Variants in POLR1B observed in about 807,000 individuals in gnomAD.
The protein encoded by POLR1B is RNA polymerase I subunit B, also known as DNA-directed RNA polymerase I subunit RPA2.
Under a neutral mutation model 105.8 loss-of-function variants are expected in POLR1B, and 30 were observed. The ratio of observed to expected loss-of-function variants is 0.28; its 90% confidence interval spans 0.21 to 0.38. The LOEUF (loss-of-function observed/expected upper bound fraction) is 0.38, where lower values mean the gene tolerates loss of function less well. Ranked by LOEUF, POLR1B falls within the 10% of genes least tolerant of loss-of-function variation. The pLI is 1.00. For missense variants in POLR1B, 976 were observed against 1,435.8 expected (o/e 0.68, Z 5.17); for synonymous variants, 485 against 505.1 (o/e 0.96, Z 0.53).
chr2:112,543,791 A>G (rs957021940), intron 1 of POLR1B, among the ~76,000 whole-genome samples: 1 of 152,198 alleles, frequency 6.6e-6, no homozygotes, highest in Admixed American at 6.5e-5. Flanking sequence ...ATTCCTAATT[A>G]AAAGTTAATC....
intron 7 of POLR1B, 55 bp downstream of exon 7, chr2:112,552,871 GA>G: frequency 4.3e-6 from 6 of 1,398,148 alleles, no homozygotes; most frequent in Non-Finnish European, 5.7e-6. Flanking sequence ...GGAATGGCGT[GA>G]CTTTGTCCAG....
At chr2:112,567,663 G>A (rs1422658850) in intron 10 of POLR1B, among the ~76,000 whole-genome samples, 1 of 152,140 alleles carries the variant, frequency 6.6e-6, no homozygotes, top group African/African-American at 2.4e-5. Context: ...ACAGGTATAA[G>A]CCACCCCCGG....
chr2:112,546,958 G>T, intron 1 of POLR1B, 54 bp from the exon 2 acceptor site: 1 of 1,573,354 alleles, frequency 6.4e-7, no homozygotes, highest in Non-Finnish European at 8.7e-7. Context: ...AAGAGTCTTA[G>T]AGAAAAAATG....
Position 112,546,544 on chromosome 2 carries a change from C to CTTTTTTTT in POLR1B, c.178-440_178-433dup, listed in dbSNP as rs869087985. On this transcript the variant is annotated intron_variant, in intron 1 of 14. Transcript: ENST00000263331. ...GAAGTTATGAGTAGACTGGAGGTAG[C>CTTTTTTTT]TTTTTTTTTTTTTTTTTTTTTTTTT... Among the ~76,000 whole-genome samples, 32 of 53,190 alleles carry CTTTTTTTT rather than the reference C, an allele frequency of 6.0e-4. 4 individuals carry two copies. The highest frequency in any genetic ancestry group is 1.5e-3 in the East Asian group (2 of 1,326). 34.9% of individuals were successfully genotyped at this position (53,190 alleles called of 152,430 possible).
In POLR1B at chr2:112,576,057, AC is replaced by A; in HGVS notation, c.*330del. 3.1e-6 allele frequency: 1 copy of A among 327,180 alleles called. No individual in the cohort carries two copies. The highest frequency in any genetic ancestry group is 5.7e-6 in the Non-Finnish European group (1 of 173,966). 20.3% of individuals were successfully genotyped at this position (327,180 alleles called of 1,614,324 possible). ...TCTCAGCAGGCAGTGAGTGTCACAC[AC>A]CTGTTAATCCATCTTGAGCAGGACA... On this transcript the variant is annotated 3_prime_UTR_variant, in exon 15 of 15. Transcript: ENST00000263331.
chr2:112,566,402 G>T (rs1366522005), intron 10 of POLR1B, among the ~76,000 whole-genome samples: 3 of 152,144 alleles, frequency 2.0e-5, no homozygotes, highest in Admixed American at 2.0e-4. Flanking sequence ...TTCCATTGGT[G>T]GTTCTTTGCT....
chr2:112,574,925 C>T lies in POLR1B; in HGVS notation c.2604C>T (p.Cys868=). 1.2e-6 allele frequency: 2 copies of T among 1,614,060 alleles called. No individual in the cohort carries two copies. The highest frequency in any genetic ancestry group is 1.7e-5 in the Admixed American group (1 of 59,998). Residue 868 remains cysteine (C), a synonymous_variant, in exon 15 of 15, where the codon TGC becomes TGT. Transcript: ENST00000263331. The stretch of plus-strand genomic sequence containing the variant: ...GGAGTGGAAAATTCAAGTGTGTTTG[C>T]ATCACTATGAGAGTGCCTCGGAACC... ...DTGSGKFKCV[C]ITMRVPRNPT...
rs1268449568 is a variant in POLR1B, at chr2:112,578,262, CAT to C, written c.*2535_*2536del. ...CTGTGTAGATGGATGAAAACAGCAA[CAT>C]AAGCAAGATACAGAGCTGTTCCGTC... On this transcript the variant is annotated 3_prime_UTR_variant, in exon 15 of 15. Transcript: ENST00000263331. Among the ~76,000 whole-genome samples, 1 of 151,430 alleles carries C rather than the reference CAT, an allele frequency of 6.6e-6. No individual in the cohort carries two copies. Among genetic ancestry groups the C allele is most frequent in the Non-Finnish European group, 1.5e-5 (1 of 67,800 alleles).
chr2:112,577,247 A>T lies in POLR1B; in HGVS notation c.*1518A>T, dbSNP rs1684911480. 6.6e-6 allele frequency: 1 copy of T among 152,250 alleles called. No individual in the cohort carries two copies. The highest frequency in any genetic ancestry group is 6.5e-5 in the Admixed American group (1 of 15,282). 9.4% of individuals were successfully genotyped at this position (152,250 alleles called of 1,614,324 possible). A position where few individuals can be genotyped will look rare whatever the true frequency, so the allele number is the denominator to read the frequency against. ...AACAGACAGAAAAATCTATCATTTC[A>T]AGATAGGCTTAGCAGGATGGGCGCA... On this transcript the variant is annotated 3_prime_UTR_variant, in exon 15 of 15. Coordinates refer to ENST00000263331, the MANE Select transcript of POLR1B (RefSeq NM_019014.6).
At chr2:112,550,829 A>C (rs367914300) in intron 4 of POLR1B, 37 bp from the exon 5 acceptor site, 1 of 1,605,916 alleles carries the variant, frequency 6.2e-7, no homozygotes, top group Non-Finnish European at 8.5e-7. Flanking sequence ...TTAAGATATC[A>C]ATGAGTTTCT....
intron 10 of POLR1B, among the ~76,000 whole-genome samples, chr2:112,566,642 T>A (rs961832981): frequency 1.3e-5 from 2 of 152,200 alleles, no homozygotes; most frequent in African/African-American, 4.8e-5. Context: ...AGTTGAGGGT[T>A]TTAAGTACAT....
chr2:112,556,251 AG>A (rs68048422), intron 7 of POLR1B, among the ~76,000 whole-genome samples: 22,439 of 152,198 alleles, frequency 0.15, 2,076 homozygotes, highest in East Asian at 0.32. Context: ...CACTTGATAA[AG>A]TCCAAACCTA....
At chr2:112,548,585 G>A (rs1683182844) in intron 3 of POLR1B, among the ~76,000 whole-genome samples, 1 of 151,926 alleles carries the variant, frequency 6.6e-6, no homozygotes, top group African/African-American at 2.4e-5. Flanking sequence ...ATACTCGTAT[G>A]GAAGCAAAAT....
chr2:112,573,689 A>T lies in POLR1B; in HGVS notation c.2399A>T (p.Asp800Val). The stretch of plus-strand genomic sequence containing the variant: ...CTGGTGTTTGGCATCAAACCTGGTG[A>T]CCCACGCGTTCTGCAGAAGTTAGAT... Reference protein sequence around the residue: ...SSLVFGIKPGDPRVLQKLDDD... With the variant: ...SSLVFGIKPGVPRVLQKLDDD... Residue 800 changes from aspartate to valine, a missense_variant, in exon 14 of 15, where the codon GAC (aspartate) becomes GTC (valine). Coordinates refer to ENST00000263331, the MANE Select transcript of POLR1B (RefSeq NM_019014.6). 6.2e-7 allele frequency: 1 copy of T among 1,614,196 alleles called. No homozygotes were observed. The highest frequency in any genetic ancestry group is 8.5e-7 in the Non-Finnish European group (1 of 1,180,046).
Position 112,547,470 on chromosome 2 carries a change from A to T in POLR1B, c.395A>T (p.Gln132Leu). ...VNGISKGIIKQFLGYVPIMVK... is the reference protein window; with the variant it reads ...VNGISKGIIKLFLGYVPIMVK... Reference sequence around the variant, plus strand: ...GGAATCTCAAAAGGAATCATTAAGCAGTTTCTTGGCTATGTTCCCATCATG... The same window carrying T: ...GGAATCTCAAAAGGAATCATTAAGCTGTTTCTTGGCTATGTTCCCATCATG... Residue 132 changes from glutamine (Q) to leucine (L), a missense_variant, in exon 3 of 15, where the codon CAG (glutamine) becomes CTG (leucine). By Grantham distance (113) the Gln-to-Leu change is moderately radical. Transcript: ENST00000263331. 6.2e-7 allele frequency: 1 copy of T among 1,614,154 alleles called. No homozygotes were observed. Among genetic ancestry groups the T allele is most frequent in the Non-Finnish European group, 8.5e-7 (1 of 1,179,972 alleles).
chr2:112,568,233 A>C, intron 11 of POLR1B, 96 bp downstream of exon 11: 1 of 1,225,162 alleles, frequency 8.2e-7, no homozygotes, highest in East Asian at 2.4e-5. Context: ...AGGGTTGTTA[A>C]TGTTACAACA....
At chr2:112,560,828 G>A (rs185498165) in intron 9 of POLR1B, among the ~76,000 whole-genome samples, 88 of 152,276 alleles carry the variant, frequency 5.8e-4, no homozygotes, top group African/African-American at 2.1e-3. Flanking sequence ...AAGCCGAGGT[G>A]TGCAGATGAC....
chr2:112,568,710 G>A, intron 11 of POLR1B, 36 bp from the exon 12 acceptor site: 1 of 1,606,062 alleles, frequency 6.2e-7, no homozygotes, highest in Non-Finnish European at 8.5e-7. Context: ...GTAACCAGTT[G>A]CAGTTATTTT....
intron 9 of POLR1B, among the ~76,000 whole-genome samples, chr2:112,560,084 C>T (rs913529176): frequency 4.0e-5 from 6 of 151,184 alleles, no homozygotes; most frequent in African/African-American, 1.2e-4. Flanking sequence ...AAAGTGAAAA[C>T]AGGAGAAACT....
Sources: allele counts gnomAD v4.1 joint callset (sites outside exome capture counted in the v4.1 genomes callset), GRCh38; gene constraint gnomAD v4.1.1; transcripts MANE v1.5; gene names NCBI Gene and HGNC (gene_info 2026-07-23, HGNC 2026-07-21).